The following CTBP2 variants were observed in gnomAD, a reference collection of about 807,000 sequenced individuals.
CTBP2 encodes the protein C-terminal-binding protein 2.
In CTBP2, 30 loss-of-function variants were observed where a neutral mutation model predicts 80.3. The observed-to-expected ratio is 0.37, with a 90% CI of 0.28 to 0.51. The LOEUF (loss-of-function observed/expected upper bound fraction) is 0.51. CTBP2 is among the 20% of genes least tolerant of loss of function. The probability of loss-of-function intolerance (pLI) is 0.93; values close to 1 mark genes in which losing one functional copy is unlikely to be tolerated. For synonymous variants in CTBP2, 594 were observed against 587.4 expected, an observed-to-expected ratio of 1.01 and a Z score of -0.16; for missense variants, 1,212 against 1,375.3, an observed-to-expected ratio of 0.88 and a Z score of 1.88.
intron 1 of CTBP2, among the ~76,000 whole-genome samples, chr10:125,114,988 G>A (rs1219819917): frequency 6.6e-6 from 1 of 152,066 alleles, no homozygotes; most frequent in African/African-American, 2.4e-5. Flanking sequence ...AGGACTTGAG[G>A]CTTTCTGCTT....
At chr10:125,061,524 C>CCA (rs1964971878) in intron 2 of CTBP2, among the ~76,000 whole-genome samples, 1 of 152,206 alleles carries the variant, frequency 6.6e-6, no homozygotes, top group African/African-American at 2.4e-5. Flanking sequence ...CAAGGAACAG[C>CCA]CAGTTTGACA....
chr10:125,097,550 C>T (rs775933752), intron 2 of CTBP2, among the ~76,000 whole-genome samples: 1 of 152,154 alleles, frequency 6.6e-6, no homozygotes, highest in Non-Finnish European at 1.5e-5. Context: ...TACAAGGAAG[C>T]CTGTTCTCTG....
At chr10:125,089,990 C>T (rs1848532693) in intron 2 of CTBP2, among the ~76,000 whole-genome samples, 2 of 152,098 alleles carry the variant, frequency 1.3e-5, no homozygotes, top group Non-Finnish European at 2.9e-5. Context: ...AACCTGGGGG[C>T]CAAGGGGCCC....
At chr10:125,096,276 G>C (rs1268000018) in intron 2 of CTBP2, among the ~76,000 whole-genome samples, 1 of 152,118 alleles carries the variant, frequency 6.6e-6, no homozygotes, top group African/African-American at 2.4e-5. Context: ...TTTTCTGAGA[G>C]TAGGTTAAAG....
At chr10:125,005,442 G>T (rs1161704156) in intron 1 of CTBP2, 33 of 1,145,818 alleles carry the variant, frequency 2.9e-5, no homozygotes, top group Non-Finnish European at 3.8e-5. Flanking sequence ...CCCAAACAGG[G>T]TGTCCGCATG....
chr10:125,137,310 C>T (rs151162712), intron 1 of CTBP2, among the ~76,000 whole-genome samples: 13 of 152,296 alleles, frequency 8.5e-5, no homozygotes, highest in African/African-American at 2.9e-4. Flanking sequence ...AGCAGAGTCT[C>T]GGGAACCCCT....
At chr10:125,157,698 C>T (rs1281145908) in intron 1 of CTBP2, among the ~76,000 whole-genome samples, 10 of 152,182 alleles carry the variant, frequency 6.6e-5, no homozygotes, top group Admixed American at 3.3e-4. Flanking sequence ...AATATGCTGG[C>T]TTATTTCCTT....
At chr10:125,051,421 C>T (rs1184934820) in intron 2 of CTBP2, among the ~76,000 whole-genome samples, 1 of 152,226 alleles carries the variant, frequency 6.6e-6, no homozygotes, top group Non-Finnish European at 1.5e-5. Context: ...GGGTGGATCA[C>T]TTGAGGTCAG....
rs1194508012 is a variant in CTBP2, at chr10:125,127,601, A to T, written c.-205-16508T>A. 2.0e-5 allele frequency among the ~76,000 whole-genome samples: 3 copies of T among 152,142 alleles called. No homozygotes were observed. In the East Asian group the frequency reaches 5.8e-4, roughly 29 times the overall value. On this transcript the variant is annotated intron_variant, in intron 1 of 10. Coordinates refer to the CTBP2 transcript ENST00000337195. ...CCACATGGAATGGCCTCCTCTAAACATCCCTCCATGTTGTACTTCTGACTC... is the reference window on the plus strand; with the variant it reads ...CCACATGGAATGGCCTCCTCTAAACTTCCCTCCATGTTGTACTTCTGACTC...
At position 125,027,275 on chromosome 10, in the gene CTBP2, C is replaced by A; in HGVS notation, c.485G>T (p.Gly162Val). Residue 162 changes from glycine to valine, a missense_variant, in exon 1 of 9, where the codon GGT (glycine) becomes GTT (valine). Physicochemically the swap from Gly to Val is moderately radical, Grantham distance 109. This residue lies in a region of CTBP2 where 848 missense variants were observed against 782.3 expected (regional missense o/e 1.08). Transcript: ENST00000309035. ...ACCTCCAGGATCCCGGTACAGGTGA[C>A]CGGCGTCCTGCAGGGCAGGTGACCG... The A allele has an allele frequency of 6.2e-7, 1 of 1,613,612 alleles. No homozygotes were observed. The highest frequency in any genetic ancestry group is 8.5e-7 in the Non-Finnish European group (1 of 1,179,948).
Position 124,989,563 on chromosome 10 carries a change from C to T in CTBP2, c.2913G>A (p.Gln971=). ...CTCGATTGTCCCCGTGTTTTGTGGG[C>T]TGGTTGGGAGAGGGCGCTTGGGAAG... The change falls in exon 9 of 9, where the codon CAG becomes CAA. Residue 971 remains glutamine, a synonymous_variant. Transcript: ENST00000309035. The T allele has an allele frequency of 6.2e-7, 1 of 1,613,440 alleles. No homozygotes were observed. The highest frequency in any genetic ancestry group is 1.3e-5 in the African/African-American group (1 of 74,970).
intron 3 of CTBP2, among the ~76,000 whole-genome samples, chr10:125,038,280 G>A (rs1194065650): frequency 6.6e-6 from 1 of 152,142 alleles, no homozygotes; most frequent in Non-Finnish European, 1.5e-5. Context: ...AGAGGGGGCT[G>A]CGGAGCCATC....
chr10:125,076,161 TA>T (rs1846242345), intron 2 of CTBP2, among the ~76,000 whole-genome samples: 1 of 152,014 alleles, frequency 6.6e-6, no homozygotes, highest in South Asian at 2.1e-4. Context: ...AGACCCCCAT[TA>T]CCCCACTATC....
chr10:125,060,140 T>C (rs1018253403), intron 2 of CTBP2, among the ~76,000 whole-genome samples: 4 of 152,188 alleles, frequency 2.6e-5, no homozygotes, highest in Admixed American at 2.0e-4. Context: ...TGTGAACATA[T>C]GTGGCCACGC....
At chr10:125,150,526 A>C (rs571919815) in intron 1 of CTBP2, among the ~76,000 whole-genome samples, 35 of 152,138 alleles carry the variant, frequency 2.3e-4, no homozygotes, top group African/African-American at 6.5e-4. Context: ...AGGCCACAAG[A>C]AGCCTCGGTC....
intron 3 of CTBP2, chr10:124,998,447 C>T (rs1050341030): frequency 4.2e-6 from 2 of 479,038 alleles, no homozygotes; most frequent in African/African-American, 2.0e-5. Flanking sequence ...TGATTTTGGG[C>T]CTGACTGGCT....
intron 2 of CTBP2, among the ~76,000 whole-genome samples, chr10:125,053,445 G>C (rs1963231989): frequency 6.6e-6 from 1 of 152,192 alleles, no homozygotes; most frequent in South Asian, 2.1e-4. Context: ...CAACACAGCA[G>C]TGCAAGGAAG....
chr10:125,005,876 G>A, intron 1 of CTBP2: 2 of 1,543,124 alleles, frequency 1.3e-6, no homozygotes, highest in Non-Finnish European at 1.7e-6. Flanking sequence ...CTGGCAGGAT[G>A]GTTATCGGAG....
intron 2 of CTBP2, among the ~76,000 whole-genome samples, chr10:125,099,089 C>T (rs1850210985): frequency 6.6e-6 from 1 of 152,336 alleles, no homozygotes; most frequent in African/African-American, 2.4e-5. Context: ...CACGGTCAGG[C>T]ACGTTCAGTA....
Sources: gnomAD v4.1 joint callset for allele counts (sites outside exome capture counted in the v4.1 genomes callset) on GRCh38, gnomAD v4.1.1 for gene constraint, gnomAD v4.1.1 regional missense constraint, MANE v1.5 for transcripts, NCBI Gene and HGNC (gene_info 2026-07-23, HGNC 2026-07-21) for gene names.